Variants in CHMP5 observed in about 807,000 individuals in gnomAD.
CHMP5 encodes the protein SNF7 domain containing 2.
CHMP5 carries 17 observed loss-of-function variants against 33.0 expected under a neutral mutation model. The ratio of observed to expected loss-of-function variants is 0.52; its 90% CI spans 0.35 to 0.77. The LOEUF is 0.77. CHMP5 is among the 30% of genes least tolerant of loss of function. The probability of loss-of-function intolerance (pLI) is 0.01; values close to 1 mark genes in which losing one functional copy is unlikely to be tolerated. For synonymous variants in CHMP5, 76 were observed against 90.2 expected (o/e 0.84, Z 0.89); for missense variants, 216 against 261.5 (o/e 0.83, Z 1.20).
chr9:33,273,404 A>ACC (rs1820817878), intron 5 of CHMP5, among the ~76,000 whole-genome samples: 1 of 152,074 alleles, frequency 6.6e-6, no homozygotes, highest in South Asian at 2.1e-4. Context: ...GGTCTTGGTG[A>ACC]ATGCTTTGTA....
At chr9:33,273,765 C>T (rs1820822183) in intron 5 of CHMP5, among the ~76,000 whole-genome samples, 1 of 151,126 alleles carries the variant, frequency 6.6e-6, no homozygotes, top group South Asian at 2.1e-4. Flanking sequence ...CAATAGAGAA[C>T]CAGTTAATGG....
In CHMP5 at chr9:33,267,297, A is replaced by G. The variant is rs969869633; in HGVS notation, c.175-556A>G. ...GGAAAGCCCATTTAGATTTGAGACA[A>G]TGAAAGCCCAAACCATGGTGGTAGG... On this transcript the variant is annotated intron_variant, in intron 2 of 7. Coordinates refer to ENST00000223500, the MANE Select transcript of CHMP5 (RefSeq NM_016410.6). Among the ~76,000 whole-genome samples the G allele has an allele frequency of 3.9e-5, 6 of 152,222 alleles. No homozygotes were observed. In the South Asian group the frequency reaches 1.0e-3, roughly 26 times the overall value.
Position 33,265,162 on chromosome 9 carries a change from A to G in CHMP5, c.69+15A>G. 6.2e-7 allele frequency: 1 copy of G among 1,613,590 alleles called. No homozygotes were observed. The highest frequency in any genetic ancestry group is 1.1e-5 in the South Asian group (1 of 91,066). On this transcript the variant is annotated intron_variant, in intron 1 of 7. Transcript: ENST00000223500. ...GCATTGGCACGGTGGGCATTTGATCATGCATAAGTAGGCTCAGGACCTCTG... is the reference window on the plus strand; with the variant it reads ...GCATTGGCACGGTGGGCATTTGATCGTGCATAAGTAGGCTCAGGACCTCTG...
chr9:33,265,116 C>A lies in CHMP5; in HGVS notation c.38C>A (p.Pro13Gln). 5 of 1,614,168 alleles carry A rather than the reference C, an allele frequency of 3.1e-6. No individual in the cohort carries two copies. Among genetic ancestry groups the A allele is most frequent in the Non-Finnish European group, 4.2e-6 (5 of 1,180,028 alleles). The part of the protein sequence containing the change: ...RLFGKAKPKA[P>Q]PPSLTDCIGT... ...TTCGGGAAAGCGAAACCCAAGGCTC[C>A]GCCGCCCAGCCTGACTGACTGCATT... The change falls in exon 1 of 8, where the codon CCG (proline) becomes CAG (glutamine). Residue 13 changes from proline (P) to glutamine (Q), a missense_variant. By Grantham distance (76) the Pro-to-Gln change is moderately conservative. Transcript: ENST00000223500.
intron 7 of CHMP5, among the ~76,000 whole-genome samples, chr9:33,280,273 G>A (rs373011674): frequency 1.3e-5 from 2 of 152,172 alleles, no homozygotes; most frequent in African/African-American, 2.4e-5. Context: ...CACCGCGCCC[G>A]GCCTGTTGTT....
At chr9:33,270,790 C>A in intron 4 of CHMP5, 74 bp downstream of exon 4, 3 of 1,275,110 alleles carry the variant, frequency 2.4e-6, no homozygotes, top group South Asian at 1.2e-5. Flanking sequence ...TTTTTAAAGA[C>A]AGTTTAACCA....
chr9:33,270,747 CATGTATTTATTCTTA>C (rs1820785132), intron 4 of CHMP5, 31 bp downstream of exon 4: 1 of 1,520,664 alleles, frequency 6.6e-7, no homozygotes, highest in African/African-American at 1.4e-5. Flanking sequence ...CCTGTTATTT[CATGTATTTATTCTTA>C]TTCTCTTTTC....
intron 5 of CHMP5, 139 bp from the exon 6 acceptor site, chr9:33,276,317 T>C: frequency 1.8e-6 from 1 of 565,726 alleles, no homozygotes. Flanking sequence ...TGTTGAGAAC[T>C]GTTTATGTGC....
chr9:33,276,907 A>G (rs1820861565), intron 6 of CHMP5, among the ~76,000 whole-genome samples: 1 of 152,178 alleles, frequency 6.6e-6, no homozygotes, highest in Admixed American at 6.5e-5. Flanking sequence ...AGCAAAACCA[A>G]TTAAGAAACA....
At chr9:33,274,029 T>C (rs1045352955) in intron 5 of CHMP5, among the ~76,000 whole-genome samples, 1 of 152,012 alleles carries the variant, frequency 6.6e-6, no homozygotes, top group Non-Finnish European at 1.5e-5. Context: ...AAAAAAAAAA[T>C]TTCCCCTCCA....
chr9:33,278,010 C>T, intron 6 of CHMP5, 103 bp from the exon 7 acceptor site: 1 of 705,426 alleles, frequency 1.4e-6, no homozygotes, highest in South Asian at 1.7e-5. Flanking sequence ...ATCTCATGCC[C>T]TCTTCACTGC....
intron 5 of CHMP5, among the ~76,000 whole-genome samples, chr9:33,275,422 C>G (rs1440163153): frequency 6.6e-6 from 1 of 152,148 alleles, no homozygotes; most frequent in East Asian, 1.9e-4. Context: ...TATCCTGATT[C>G]CCTTTCTGAT....
chr9:33,266,136 G>A, intron 2 of CHMP5, 22 bp downstream of exon 2: 2 of 1,529,144 alleles, frequency 1.3e-6, no homozygotes, highest in Non-Finnish European at 1.8e-6. Context: ...AGCAACTGCT[G>A]CACAAGGTGC....
chr9:33,274,198 C>T (rs1820827119), intron 5 of CHMP5, among the ~76,000 whole-genome samples: 1 of 152,156 alleles, frequency 6.6e-6, no homozygotes, highest in African/African-American at 2.4e-5. Flanking sequence ...ACTTCAGTCT[C>T]CTGAGTAGCT....
intron 1 of CHMP5, 57 bp downstream of exon 1, chr9:33,265,204 C>T: frequency 6.5e-7 from 1 of 1,547,008 alleles, no homozygotes; most frequent in Non-Finnish European, 8.9e-7. Flanking sequence ...CCGACCCCGC[C>T]CACCCCCAGC....
At chr9:33,267,749 G>T in intron 2 of CHMP5, 104 bp from the exon 3 acceptor site, 1 of 737,456 alleles carries the variant, frequency 1.4e-6, no homozygotes. Flanking sequence ...CTACTACTTT[G>T]AAGAAGAGAG....
chr9:33,274,908 G>A (rs149132919), intron 5 of CHMP5, among the ~76,000 whole-genome samples: 3,247 of 152,246 alleles, frequency 0.021, 133 homozygotes, highest in African/African-American at 0.074. Context: ...GAGCCACCGC[G>A]CCTGGCCAGA....
intron 3 of CHMP5, among the ~76,000 whole-genome samples, chr9:33,269,796 A>C (rs761942309): frequency 6.6e-6 from 1 of 152,082 alleles, no homozygotes; most frequent in Non-Finnish European, 1.5e-5. Flanking sequence ...CCAACATGGA[A>C]GAACCCGTCT....
intron 5 of CHMP5, among the ~76,000 whole-genome samples, chr9:33,274,117 C>G (rs1252780940): frequency 6.6e-6 from 1 of 151,562 alleles, no homozygotes; most frequent in South Asian, 2.1e-4. Flanking sequence ...TTGCTGTTGC[C>G]TAGGCTGGAT....
Sources: gnomAD v4.1 joint callset for allele counts (sites outside exome capture counted in the v4.1 genomes callset) on GRCh38, gnomAD v4.1.1 for gene constraint, MANE v1.5 for transcripts, NCBI Gene and HGNC (gene_info 2026-07-23, HGNC 2026-07-21) for gene names.